Variants in TM4SF19 observed in about 807,000 individuals in gnomAD.
TM4SF19 encodes transmembrane 4 L six family member 19, also known as transmembrane 4 L6 family member 19.
In TM4SF19, 17 loss-of-function variants were observed where a neutral mutation model predicts 21.8. The observed-to-expected ratio is 0.78, with a 90% CI of 0.53 to 1.17. The LOEUF is 1.17. Ranked by LOEUF, TM4SF19 falls within the 50% of genes most tolerant of loss-of-function variation. TM4SF19 has a pLI of 0.00. For missense variants in TM4SF19, 216 were observed against 252.1 expected, an observed-to-expected ratio of 0.86 and a Z score of 0.97; for synonymous variants, 107 against 106.7, an observed-to-expected ratio of 1.00 and a Z score of -0.02.
Position 196,327,425 on chromosome 3 carries a change from T to C in TM4SF19, c.166A>G (p.Met56Val), listed in dbSNP as rs756204604. The C allele has an allele frequency of 5.6e-5, 91 of 1,614,048 alleles. No individual in the cohort carries two copies. Among genetic ancestry groups the C allele is most frequent in the Non-Finnish European group, 7.5e-5 (89 of 1,180,034 alleles). Reference sequence around the variant, plus strand: ...CCTCCCCAGAGCCCAGTTCCCAGCATGGCATGCCTGCCAAGGAGGCCCCTC... The same window carrying C: ...CCTCCCCAGAGCCCAGTTCCCAGCACGGCATGCCTGCCAAGGAGGCCCCTC... ...LLRGLLGRHA[M>V]LGTGLWGGGL... The change falls in exon 2 of 5, where the codon ATG becomes GTG. Residue 56 changes from methionine (M) to valine (V), a missense_variant. Physicochemically the swap from Met to Val is conservative, Grantham distance 21. Transcript: ENST00000273695.
intron 1 of TM4SF19, among the ~76,000 whole-genome samples, chr3:196,336,069 CT>C (rs1727745579): frequency 6.6e-6 from 1 of 152,204 alleles, no homozygotes; most frequent in Admixed American, 6.5e-5. Flanking sequence ...ATCAACCCCC[CT>C]GACGATCTCT....
chr3:196,330,115 G>A (rs897770447), intron 1 of TM4SF19, among the ~76,000 whole-genome samples: 1 of 150,450 alleles, frequency 6.6e-6, no homozygotes, highest in Non-Finnish European at 1.5e-5. Flanking sequence ...CAGGTGATCT[G>A]CCCGCCTCGG....
At chr3:196,330,723 G>T (rs1727474484) in intron 1 of TM4SF19, among the ~76,000 whole-genome samples, 1 of 152,182 alleles carries the variant, frequency 6.6e-6, no homozygotes, top group Non-Finnish European at 1.5e-5. Flanking sequence ...TTAGTATGGG[G>T]CATGGGAAGC....
chr3:196,324,726 G>A (rs1269606328), intron 3 of TM4SF19: 3 of 401,640 alleles, frequency 7.5e-6, no homozygotes, highest in African/African-American at 6.0e-5. Context: ...CCCTGACCGT[G>A]AGTTCGCCTG....
At chr3:196,326,495 G>T (rs879167102) in intron 3 of TM4SF19, among the ~76,000 whole-genome samples, 5 of 152,152 alleles carry the variant, frequency 3.3e-5, no homozygotes, top group Admixed American at 3.3e-4. Context: ...TTTATTCTGG[G>T]CCTCAGTTTA....
intron 1 of TM4SF19, among the ~76,000 whole-genome samples, chr3:196,330,176 C>T (rs1238497130): frequency 6.6e-6 from 1 of 151,978 alleles, no homozygotes; most frequent in African/African-American, 2.4e-5. Flanking sequence ...TGCAGTCTCA[C>T]TATGTTACCC....
chr3:196,337,333 G>A (rs1191300994), intron 1 of TM4SF19, among the ~76,000 whole-genome samples: 2 of 152,114 alleles, frequency 1.3e-5, no homozygotes, highest in African/African-American at 2.4e-5. Flanking sequence ...CAGGGCGGGA[G>A]AGGGCCTCTA....
At chr3:196,328,020 G>A (rs1234277822) in intron 1 of TM4SF19, among the ~76,000 whole-genome samples, 2 of 151,896 alleles carry the variant, frequency 1.3e-5, no homozygotes, top group Non-Finnish European at 1.5e-5. Context: ...TAATATTGTC[G>A]GCCAGGCATG....
At chr3:196,331,448 C>CTATT (rs201100302) in intron 1 of TM4SF19, among the ~76,000 whole-genome samples, 6 of 151,134 alleles carry the variant, frequency 4.0e-5, no homozygotes, top group South Asian at 2.1e-4. Context: ...TTAAGGCTCG[C>CTATT]TATTTATTTA....
At chr3:196,330,337 G>A (rs1486355379) in intron 1 of TM4SF19, among the ~76,000 whole-genome samples, 3 of 152,112 alleles carry the variant, frequency 2.0e-5, no homozygotes, top group Non-Finnish European at 2.9e-5. Context: ...AATGGTAATG[G>A]TTGCACATCA....
At chr3:196,328,143 TAC>T (rs1345642177) in intron 1 of TM4SF19, among the ~76,000 whole-genome samples, 3 of 151,950 alleles carry the variant, frequency 2.0e-5, no homozygotes, top group Non-Finnish European at 2.9e-5. Context: ...CTACTAAAAA[TAC>T]AAAAATTAGC....
chr3:196,333,650 C>A (rs530696734), intron 1 of TM4SF19, among the ~76,000 whole-genome samples: 52 of 152,284 alleles, frequency 3.4e-4, no homozygotes, highest in African/African-American at 1.2e-3. Context: ...GTACCGCGCT[C>A]ACTACCTGAG....
intron 1 of TM4SF19, among the ~76,000 whole-genome samples, chr3:196,328,596 C>T (rs1016189820): frequency 1.3e-5 from 2 of 151,884 alleles, no homozygotes; most frequent in Non-Finnish European, 1.5e-5. Flanking sequence ...TTAATGGAGA[C>T]CTAAATAAAT....
chr3:196,329,600 G>A (rs1230683195), intron 1 of TM4SF19, among the ~76,000 whole-genome samples: 2 of 121,586 alleles, frequency 1.6e-5, no homozygotes, highest in African/African-American at 5.5e-5. Context: ...CCAGGAGGCA[G>A]AGGCTGCAGT....
Position 196,327,936 on chromosome 3 carries a change from C to T in TM4SF19, c.-1-345G>A, listed in dbSNP as rs572301747. On this transcript the variant is annotated intron_variant, in intron 1 of 4. Transcript: ENST00000273695. The stretch of plus-strand genomic sequence containing the variant: ...GTCCATTGTCTCCACTTCTATTCAA[C>T]GTTGTACTGGTCCTGGCCAGTGCAA... 6.6e-5 allele frequency among the ~76,000 whole-genome samples: 10 copies of T among 152,260 alleles called. No individual in the cohort carries two copies. The East Asian group carries it at 1.9e-3, about 29-fold the overall frequency.
chr3:196,336,575 G>A (rs994678411), intron 1 of TM4SF19, among the ~76,000 whole-genome samples: 2 of 152,218 alleles, frequency 1.3e-5, no homozygotes, highest in African/African-American at 4.8e-5. Flanking sequence ...GCCGCACTGC[G>A]GCTTCGTGTG....
chr3:196,335,879 A>G (rs1406773518), intron 1 of TM4SF19, among the ~76,000 whole-genome samples: 4 of 151,960 alleles, frequency 2.6e-5, no homozygotes, highest in African/African-American at 9.7e-5. Context: ...ACAACTCACA[A>G]CTTTAATCCA....
chr3:196,323,551 G>A lies in TM4SF19; in HGVS notation c.*266C>T. 1.4e-6 allele frequency: 1 copy of A among 698,756 alleles called. No homozygotes were observed. The highest frequency in any genetic ancestry group is 2.1e-5 in the South Asian group (1 of 48,676). The allele number at this position is 698,756 out of a possible 1,614,324, so 43.3% of individuals were successfully genotyped here. On this transcript the variant is annotated 3_prime_UTR_variant, in exon 5 of 5. Coordinates refer to ENST00000273695, the MANE Select transcript of TM4SF19 (RefSeq NM_138461.4). The stretch of plus-strand genomic sequence containing the variant: ...GTCAAGAAGCTGAAATGAGACCCTG[G>A]CTGGAGGATATTTTATGGACTATAA...
At position 196,325,776 on chromosome 3, in the gene TM4SF19, C is replaced by T. The variant is rs1320449079; in HGVS notation, c.279+1179G>A. Among the ~76,000 whole-genome samples, 1 of 152,136 alleles carries T rather than the reference C, an allele frequency of 6.6e-6. No individual in the cohort carries two copies. The highest frequency in any genetic ancestry group is 1.5e-5 in the Non-Finnish European group (1 of 68,044). ...CAGCCGCATCACATCACCTGAGAAC[C>T]TGTTAGAAATGCAAAACTTCCCCGC... On this transcript the variant is annotated intron_variant, in intron 3 of 4. Transcript: ENST00000273695. The surrounding 1 kb of genome is among the most constrained non-coding windows in gnomAD (Gnocchi z 4.3).
Sources: allele counts gnomAD v4.1 joint callset (sites outside exome capture counted in the v4.1 genomes callset), GRCh38; gene constraint gnomAD v4.1.1; non-coding constraint Gnocchi (gnomAD v3.1); transcripts MANE v1.5; gene names NCBI Gene and HGNC (gene_info 2026-07-23, HGNC 2026-07-21).